EVI5: variants seen among roughly 807,000 people sequenced by gnomAD.
EVI5 encodes the protein ecotropic viral integration site 5, also known as ecotropic viral integration site 5 protein homolog.
A neutral mutation model predicts 112.0 loss-of-function variants in EVI5; 73 were observed. The ratio of observed to expected loss-of-function variants is 0.65; its 90% CI spans 0.54 to 0.79. The LOEUF (loss-of-function observed/expected upper bound fraction) is 0.79. Among genes scored for constraint, EVI5 ranks in the 30% least tolerant of loss-of-function variants. The pLI, the probability that EVI5 is intolerant of heterozygous loss-of-function variation, is 0.00. For synonymous variants in EVI5, 305 were observed against 319.9 expected, an observed-to-expected ratio of 0.95 and a Z score of 0.50; for missense variants, 900 against 968.8, an observed-to-expected ratio of 0.93 and a Z score of 0.94.
In EVI5 at chr1:92,662,744, C is replaced by T. The variant is rs1558020394; in HGVS notation, c.1367G>A (p.Arg456Lys). ...CCATTGTTGTTGGTGCTGGAGCTTC[C>T]TGATGGTATTTTCAGCTTGCTCCAG... Reference protein sequence around the residue: ...AKLEQAENTIRKLQHQQQWHK... With the variant: ...AKLEQAENTIKKLQHQQQWHK... Residue 456 changes from arginine (R) to lysine (K), a missense_variant, in exon 13 of 20, where the codon AGG (arginine) becomes AAG (lysine). Coordinates refer to ENST00000684568, the MANE Select transcript of EVI5 (RefSeq NM_001350197.2). 2 of 1,283,480 alleles carry T rather than the reference C, an allele frequency of 1.6e-6. No individual in the cohort carries two copies. Among genetic ancestry groups the T allele is most frequent in the Admixed American group, 2.4e-5 (1 of 42,166 alleles). The allele number at this position is 1,283,480 out of a possible 1,614,324, so 79.5% of individuals were successfully genotyped here.
At chr1:92,704,452 T>C (rs956548103) in intron 3 of EVI5, 103 bp downstream of exon 3, 11 of 655,036 alleles carry the variant, frequency 1.7e-5, no homozygotes, top group East Asian at 2.7e-5. Context: ...CTTTAATATA[T>C]AGCTTGGAAG....
At chr1:92,672,571 C>T (rs1999819) in intron 10 of EVI5, among the ~76,000 whole-genome samples, 140,274 of 152,256 alleles carry the variant, frequency 0.92, 64,702 homozygotes, top group East Asian at 0.97. Flanking sequence ...TAAGACTTTA[C>T]CACCATCCAA....
intron 18 of EVI5, among the ~76,000 whole-genome samples, chr1:92,585,257 G>A (rs1250295695): frequency 2.0e-5 from 3 of 151,686 alleles, no homozygotes; most frequent in African/African-American, 4.8e-5. Context: ...TGCTTTGCAG[G>A]GCTGAGTCAG....
chr1:92,648,219 CAAAAA>C (rs1557991226), intron 13 of EVI5, among the ~76,000 whole-genome samples: 1 of 9,230 alleles, frequency 1.1e-4, no homozygotes, highest in Non-Finnish European at 1.9e-4. Context: ...AAAAAAAAAA[CAAAAA>C]CCAGCCGGGC....
Position 92,512,196 on chromosome 1 carries a change from T to C in EVI5, c.*1460A>G, listed in dbSNP as rs200062191. The C allele has an allele frequency of 3.3e-5, 5 of 152,782 alleles. No homozygotes were observed. The highest frequency in any genetic ancestry group is 2.1e-4 in the South Asian group (1 of 4,828). 9.5% of individuals were successfully genotyped at this position (152,782 alleles called of 1,614,324 possible). A position where few individuals can be genotyped will look rare whatever the true frequency, so the allele number is the denominator to read the frequency against. Reference sequence around the variant, plus strand: ...AAAAACTGGTAGGAAAGGATTCTTATGGCTTTATCTATAGAACAAAAACTA... The same window carrying C: ...AAAAACTGGTAGGAAAGGATTCTTACGGCTTTATCTATAGAACAAAAACTA... On this transcript the variant is annotated 3_prime_UTR_variant, in exon 20 of 20. Coordinates refer to ENST00000684568, the MANE Select transcript of EVI5 (RefSeq NM_001350197.2).
At chr1:92,785,152 T>C (rs1169219252), upstream of EVI5, 43 of 973,848 alleles carry the variant, frequency 4.4e-5, no homozygotes, top group Non-Finnish European at 4.9e-5. Flanking sequence ...CGGCAGCCTC[T>C]ACCGCAGAAT....
rs1173777910 is a variant in EVI5, at chr1:92,659,032, G to T, written c.1392+3687C>A. Among the ~76,000 whole-genome samples, 3 of 152,106 alleles carry T rather than the reference G, an allele frequency of 2.0e-5. No homozygotes were observed. The East Asian group carries it at 5.8e-4, about 29-fold the overall frequency. ...CTGGGAAAATTAGCCATATGAAGAAGAATGAAATTGGATTCATATCTCTCA... is the reference window on the plus strand; with the variant it reads ...CTGGGAAAATTAGCCATATGAAGAATAATGAAATTGGATTCATATCTCTCA... On this transcript the variant is annotated intron_variant, in intron 13 of 19. Coordinates refer to ENST00000684568, the MANE Select transcript of EVI5 (RefSeq NM_001350197.2).
intron 1 of EVI5, among the ~76,000 whole-genome samples, chr1:92,747,905 C>T (rs111653860): frequency 5.3e-5 from 8 of 152,118 alleles, no homozygotes; most frequent in Non-Finnish European, 7.4e-5. Context: ...TTTGCAGTTG[C>T]AGCACTTCAA....
intron 1 of EVI5, among the ~76,000 whole-genome samples, chr1:92,741,784 A>C (rs1177372426): frequency 1.3e-5 from 2 of 152,196 alleles, no homozygotes; most frequent in Non-Finnish European, 2.9e-5. Flanking sequence ...TTTAGAGATA[A>C]GAAATCAAAG....
At chr1:92,549,154 A>G (rs1571459623) in intron 19 of EVI5, among the ~76,000 whole-genome samples, 1 of 152,348 alleles carries the variant, frequency 6.6e-6, no homozygotes, top group East Asian at 1.9e-4. Context: ...ACAGAGATAT[A>G]GATCAATGGA....
At chr1:92,519,077 A>G (rs1660432735) in intron 19 of EVI5, among the ~76,000 whole-genome samples, 1 of 152,206 alleles carries the variant, frequency 6.6e-6, no homozygotes. Flanking sequence ...TGGATCAATC[A>G]TGAGATGTAG....
chr1:92,629,898 T>C (rs922920122), intron 14 of EVI5, among the ~76,000 whole-genome samples: 5 of 146,506 alleles, frequency 3.4e-5, no homozygotes, highest in Non-Finnish European at 7.5e-5. Flanking sequence ...TTCCCACCTA[T>C]GAGTGAGAAC....
chr1:92,564,712 C>T (rs910094865), intron 18 of EVI5, among the ~76,000 whole-genome samples: 1 of 147,448 alleles, frequency 6.8e-6, no homozygotes, highest in Non-Finnish European at 1.5e-5. Flanking sequence ...GATGGACTCT[C>T]GCTGTCACCC....
At chr1:92,695,863 C>A (rs1170597821) in intron 6 of EVI5, among the ~76,000 whole-genome samples, 1 of 152,000 alleles carries the variant, frequency 6.6e-6, no homozygotes, top group Non-Finnish European at 1.5e-5. Context: ...TTCTTACCTT[C>A]CTAAAGAATA....
At chr1:92,635,215 A>C (rs1460040306) in intron 14 of EVI5, among the ~76,000 whole-genome samples, 1 of 152,218 alleles carries the variant, frequency 6.6e-6, no homozygotes, top group Non-Finnish European at 1.5e-5. Flanking sequence ...GCTGACAGAC[A>C]GGGACATTTA....
intron 2 of EVI5, among the ~76,000 whole-genome samples, chr1:92,708,268 T>C (rs964363433): frequency 1.3e-4 from 19 of 151,012 alleles, no homozygotes; most frequent in South Asian, 4.2e-4. Flanking sequence ...ATCTAGAATA[T>C]AGAAAGAACC....
intron 1 of EVI5, among the ~76,000 whole-genome samples, chr1:92,739,538 G>A (rs1220086650): frequency 6.6e-6 from 1 of 151,970 alleles, no homozygotes; most frequent in Admixed American, 6.6e-5. Context: ...ACAACCTTGT[G>A]AATATAATAA....
intron 13 of EVI5, 66 bp downstream of exon 13, chr1:92,662,653 G>GAA: frequency 1.7e-5 from 16 of 953,882 alleles, no homozygotes; most frequent in East Asian, 1.6e-4. Context: ...TCTGTGCTAT[G>GAA]AAAAAAAAAA....
intron 1 of EVI5, among the ~76,000 whole-genome samples, chr1:92,753,282 G>A (rs1482123549): frequency 6.6e-6 from 1 of 152,202 alleles, no homozygotes; most frequent in Non-Finnish European, 1.5e-5. Flanking sequence ...TTGAGCCCAG[G>A]AGTTCAAGAC....
Sources: allele counts gnomAD v4.1 joint callset (sites outside exome capture counted in the v4.1 genomes callset), GRCh38; gene constraint gnomAD v4.1.1; transcripts MANE v1.5; gene names NCBI Gene and HGNC (gene_info 2026-07-23, HGNC 2026-07-21).